Variants in RIN2 observed in about 807,000 individuals in gnomAD.
RIN2 encodes RAB5 interacting protein 2.
RIN2 carries 36 observed loss-of-function variants against 78.0 expected under a neutral mutation model. The observed-to-expected ratio is 0.46, with a 90% confidence interval of 0.35 to 0.61. The LOEUF is 0.61. Ranked by LOEUF, RIN2 falls within the 20% of genes least tolerant of loss-of-function variation. The pLI is 0.00. For missense variants in RIN2, 1,087 were observed against 1,159.7 expected (o/e 0.94, Z 0.91); for synonymous variants, 466 against 466.8 (o/e 1.00, Z 0.02).
At chr20:19,827,930 G>A (rs1188940864) in intron 2 of RIN2, among the ~76,000 whole-genome samples, 1 of 151,660 alleles carries the variant, frequency 6.6e-6, no homozygotes, top group Non-Finnish European at 1.5e-5. Flanking sequence ...CTGGGCTGTA[G>A]GCTTCTAGGC....
chr20:19,905,687 G>A (rs1023031598), intron 3 of RIN2, among the ~76,000 whole-genome samples: 3 of 152,146 alleles, frequency 2.0e-5, no homozygotes, highest in African/African-American at 7.2e-5. Flanking sequence ...GTTCAAGGCT[G>A]CAGCCACTGC....
chr20:19,837,150 A>G lies in RIN2; in HGVS notation c.-37+37403A>G, dbSNP rs114731027. On this transcript the variant is annotated intron_variant, in intron 2 of 12. Coordinates refer to ENST00000255006, the MANE Select transcript of RIN2 (RefSeq NM_018993.4). Reference sequence around the variant, plus strand: ...TCAGAGAGATTAAGTAACACTGAACATCACACACCGCCCCCCCCAACACAC... The same window carrying G: ...TCAGAGAGATTAAGTAACACTGAACGTCACACACCGCCCCCCCCAACACAC... Among the ~76,000 whole-genome samples the G allele has an allele frequency of 9.2e-3, 1,318 of 143,608 alleles. 17 individuals carry two copies. Among genetic ancestry groups the G allele is most frequent in the African/African-American group, 0.034 (1,250 of 37,130 alleles). The allele number at this position is 143,608 out of a possible 152,430, so 94.2% of individuals were successfully genotyped here.
Position 19,990,089 on chromosome 20 carries a change from A to T in RIN2, c.1846A>T (p.Met616Leu). The T allele has an allele frequency of 1.3e-6, 2 of 1,598,706 alleles. No homozygotes were observed. The highest frequency in any genetic ancestry group is 2.3e-5 in the East Asian group (1 of 44,314). ...GGAGGCCATGCTGAAGGACTTTCAC[A>T]TGGCCGATGGCTCATGGAAGCAACT... ...HVEAMLKDFH[M>L]ADGSWKQLKE... The change falls in exon 10 of 13, where the codon ATG becomes TTG. Residue 616 changes from methionine to leucine, a missense_variant. Met to Leu is a conservative substitution (Grantham distance 15). Around this residue, in one of 8 missense-constraint regions of RIN2, gnomAD observed 97 missense variants for 104.8 expected, o/e 0.93. Transcript: ENST00000255006.
At chr20:19,849,024 G>A (rs1416358920) in intron 2 of RIN2, among the ~76,000 whole-genome samples, 1 of 152,068 alleles carries the variant, frequency 6.6e-6, no homozygotes, top group Non-Finnish European at 1.5e-5. Context: ...TCCGTACAAT[G>A]GTCACTACCT....
At chr20:19,785,592 C>G (rs967802046) in intron 1 of RIN2, among the ~76,000 whole-genome samples, 1 of 152,180 alleles carries the variant, frequency 6.6e-6, no homozygotes, top group African/African-American at 2.4e-5. Context: ...CAGCCCAAGG[C>G]AAGCATTTCT....
intron 11 of RIN2, 85 bp from the exon 12 acceptor site, chr20:19,996,594 C>A: frequency 1.5e-6 from 2 of 1,356,188 alleles, no homozygotes; most frequent in Non-Finnish European, 2.1e-6. Context: ...AAATACAAAA[C>A]ATGCCTTCTA....
intron 1 of RIN2, among the ~76,000 whole-genome samples, chr20:19,772,001 C>T (rs1422765673): frequency 1.3e-5 from 2 of 152,120 alleles, no homozygotes; most frequent in East Asian, 1.9e-4. Context: ...ACCTGCATGC[C>T]GACTGTAGGC....
intron 4 of RIN2, among the ~76,000 whole-genome samples, chr20:19,950,043 C>T (rs954570552): frequency 2.0e-5 from 3 of 152,154 alleles, no homozygotes; most frequent in Non-Finnish European, 2.9e-5. Context: ...TTCTCTCATC[C>T]CATACTCCAA....
intron 3 of RIN2, among the ~76,000 whole-genome samples, chr20:19,926,752 G>C (rs1568618934): frequency 6.6e-6 from 1 of 152,154 alleles, no homozygotes; most frequent in African/African-American, 2.4e-5. Flanking sequence ...CACACCCTAA[G>C]TTTCAAGTCT....
chr20:19,827,822 T>G (rs1026846626), intron 2 of RIN2, among the ~76,000 whole-genome samples: 8 of 151,962 alleles, frequency 5.3e-5, no homozygotes, highest in Non-Finnish European at 1.2e-4. Context: ...TTTTTTTTTT[T>G]TTTGCTGCTA....
chr20:19,806,862 G>C (rs2035426062), intron 2 of RIN2, among the ~76,000 whole-genome samples: 1 of 133,052 alleles, frequency 7.5e-6, no homozygotes, highest in Non-Finnish European at 1.7e-5. Context: ...GGGCAACAGA[G>C]TAAGATCCTG....
At chr20:19,928,569 GCAGGCCCAGCCTTGCC>G (rs977743422) in intron 3 of RIN2, among the ~76,000 whole-genome samples, 4 of 152,190 alleles carry the variant, frequency 2.6e-5, no homozygotes, top group African/African-American at 9.7e-5. Flanking sequence ...CTGGAACTCA[GCAGGCCCAGCCTTGCC>G]CAGGCCCAGC....
At chr20:19,929,610 C>T (rs2040363964) in intron 3 of RIN2, among the ~76,000 whole-genome samples, 1 of 152,182 alleles carries the variant, frequency 6.6e-6, no homozygotes, top group African/African-American at 2.4e-5. Flanking sequence ...GAACCGCCCA[C>T]CTCAGCCTCC....
chr20:19,897,413 C>T (rs1359422975), intron 3 of RIN2, among the ~76,000 whole-genome samples: 1 of 152,084 alleles, frequency 6.6e-6, no homozygotes, highest in Admixed American at 6.6e-5. Flanking sequence ...CCAGCCAGAC[C>T]AGCTACATTT....
chr20:19,963,527 T>A (rs993651736), intron 6 of RIN2, among the ~76,000 whole-genome samples: 2 of 151,408 alleles, frequency 1.3e-5, no homozygotes, highest in Non-Finnish European at 2.9e-5. Flanking sequence ...GAGAATCGCT[T>A]GAACCCGGGA....
chr20:19,964,292 G>A (rs148536309), intron 6 of RIN2, among the ~76,000 whole-genome samples: 1,649 of 151,030 alleles, frequency 0.011, 29 homozygotes, highest in South Asian at 0.047. Flanking sequence ...AAAAAAAAAA[G>A]AGAGATGTAG....
intron 2 of RIN2, among the ~76,000 whole-genome samples, chr20:19,856,769 T>G (rs2037183451): frequency 6.6e-6 from 1 of 152,172 alleles, no homozygotes; most frequent in South Asian, 2.1e-4. Context: ...ATTTCTCCAC[T>G]GGAGCATTCC....
intron 2 of RIN2, chr20:19,823,463 C>T: frequency 1.3e-6 from 1 of 787,812 alleles, no homozygotes; most frequent in East Asian, 2.4e-5. Flanking sequence ...GCTGGGCATT[C>T]TACAGCACCA....
chr20:19,955,112 CTT>C (rs1473778011), intron 4 of RIN2, among the ~76,000 whole-genome samples: 3 of 152,172 alleles, frequency 2.0e-5, no homozygotes, highest in Admixed American at 6.5e-5. Context: ...TCCCCATTCT[CTT>C]TTCTCTCCCC....
Sources: allele counts gnomAD v4.1 joint callset (sites outside exome capture counted in the v4.1 genomes callset), GRCh38; gene constraint gnomAD v4.1.1; regional missense constraint gnomAD v4.1.1; transcripts MANE v1.5; gene names NCBI Gene and HGNC (gene_info 2026-07-23, HGNC 2026-07-21).